PTPRD: variants seen among roughly 807,000 people sequenced by gnomAD.
PTPRD encodes the protein protein tyrosine phosphatase receptor type D.
A neutral mutation model predicts 214.5 loss-of-function variants in PTPRD; 34 were observed. That is an observed-to-expected ratio of 0.16 (90% CI 0.12 to 0.21). The LOEUF is 0.21. PTPRD is among the 10% of genes least tolerant of loss of function. The pLI, the probability that PTPRD is intolerant of heterozygous loss-of-function variation, is 1.00. For missense variants in PTPRD, 2,545 were observed against 2,398.7 expected, an observed-to-expected ratio of 1.06 and a Z score of -1.27; for synonymous variants, 1,128 against 845.7, an observed-to-expected ratio of 1.33 and a Z score of -5.79.
intron 3 of PTPRD, among the ~76,000 whole-genome samples, chr9:10,087,883 G>T (rs1021932406): frequency 6.6e-6 from 1 of 151,688 alleles, no homozygotes; most frequent in Non-Finnish European, 1.5e-5. Context: ...ATGATTCAAT[G>T]TAATACTTCT....
chr9:8,457,722 G>A (rs1362492909), intron 33 of PTPRD, among the ~76,000 whole-genome samples: 1 of 152,032 alleles, frequency 6.6e-6, no homozygotes, highest in African/African-American at 2.4e-5. Context: ...TATAATGTGA[G>A]TCAACAACGT....
At chr9:8,996,912 T>G (rs1164099668) in intron 11 of PTPRD, among the ~76,000 whole-genome samples, 1 of 152,078 alleles carries the variant, frequency 6.6e-6, no homozygotes, top group Non-Finnish European at 1.5e-5. Flanking sequence ...ATTGTGATAT[T>G]GGTTTTATGA....
intron 8 of PTPRD, among the ~76,000 whole-genome samples, chr9:9,477,362 A>G (rs2095133439): frequency 6.6e-6 from 1 of 152,176 alleles, no homozygotes; most frequent in Non-Finnish European, 1.5e-5. Context: ...CATAAGTGGG[A>G]TTCCTTTTCT....
In PTPRD at chr9:9,179,147, G is replaced by C. The variant is rs530615044; in HGVS notation, c.-143+4157C>G. ...CTTAGTATTTCTGATTTTCTTAATT[G>C]TTGAAACTCAAAGATTTAATAAAAT... On this transcript the variant is annotated intron_variant, in intron 10 of 45. Coordinates refer to ENST00000381196, the MANE Select transcript of PTPRD (RefSeq NM_002839.4). Among the ~76,000 whole-genome samples the C allele has an allele frequency of 2.0e-5, 3 of 152,156 alleles. No individual in the cohort carries two copies. The South Asian group carries it at 6.2e-4, about 32-fold the overall frequency.
chr9:9,547,903 G>GA lies in PTPRD; in HGVS notation c.-237+26828dup, dbSNP rs200461149. ...TGAGAAAAATGTGAAAGAAGCTCAA[G>GA]AAAAAAAGGCTTATTATATCAAAGA... On this transcript the variant is annotated intron_variant, in intron 8 of 45. Transcript: ENST00000381196. Among the ~76,000 whole-genome samples the GA allele has an allele frequency of 1.8e-3, 278 of 150,790 alleles. 7 individuals are homozygous for GA. The East Asian group carries it at 0.043, about 23-fold the overall frequency.
intron 33 of PTPRD, among the ~76,000 whole-genome samples, chr9:8,456,551 A>G (rs1007949771): frequency 6.6e-6 from 1 of 152,136 alleles, no homozygotes; most frequent in Admixed American, 6.5e-5. Flanking sequence ...GTGTGGCCAC[A>G]TATTTCTTCA....
At chr9:10,109,296 G>A (rs548701091) in intron 3 of PTPRD, among the ~76,000 whole-genome samples, 4 of 152,280 alleles carry the variant, frequency 2.6e-5, no homozygotes, top group African/African-American at 9.6e-5. Context: ...AAGCTGATGA[G>A]TGATGTTACA....
chr9:8,404,643 C>A lies in PTPRD; in HGVS notation c.4104G>T (p.Gln1368His). The change falls in exon 36 of 46, where the codon CAG becomes CAT. Residue 1368 changes from glutamine to histidine, a missense_variant. By Grantham distance (24) the Gln-to-His change is conservative. Coordinates refer to ENST00000381196, the MANE Select transcript of PTPRD (RefSeq NM_002839.4). ...SQEYESIDPG[Q>H]QFTWEHSNLE... ...AGTTTGAATGTTCCCAAGTGAACTG[C>A]TGGCCAGGGTCAATTGACTTTAAAA... 6.2e-7 allele frequency: 1 copy of A among 1,611,242 alleles called. No individual in the cohort carries two copies. The highest frequency in any genetic ancestry group is 8.5e-7 in the Non-Finnish European group (1 of 1,178,002).
At chr9:9,160,294 T>C (rs1181570013) in intron 10 of PTPRD, among the ~76,000 whole-genome samples, 1 of 151,990 alleles carries the variant, frequency 6.6e-6, no homozygotes, top group African/African-American at 2.4e-5. Context: ...ACCATTAATG[T>C]GATAAGCCAA....
chr9:9,975,489 G>A (rs1441117287), intron 4 of PTPRD, among the ~76,000 whole-genome samples: 2 of 152,216 alleles, frequency 1.3e-5, no homozygotes, highest in Non-Finnish European at 2.9e-5. Context: ...CTCTGAGTGA[G>A]GACCTAGGAC....
In PTPRD at chr9:8,462,918, T is replaced by C. The variant is rs2096454034; in HGVS notation, c.3715-2347A>G. On this transcript the variant is annotated intron_variant, in intron 32 of 45. Coordinates refer to ENST00000381196, the MANE Select transcript of PTPRD (RefSeq NM_002839.4). Reference sequence around the variant, plus strand: ...GGGATTTATATATTATTTGTGTTTATATGCTTAAAGCAGCTAGCAATGAAC... The same window carrying C: ...GGGATTTATATATTATTTGTGTTTACATGCTTAAAGCAGCTAGCAATGAAC... Among the ~76,000 whole-genome samples, 3 of 151,980 alleles carry C rather than the reference T, an allele frequency of 2.0e-5. No homozygotes were observed. In the South Asian group the frequency reaches 6.2e-4, roughly 31 times the overall value.
intron 7 of PTPRD, among the ~76,000 whole-genome samples, chr9:9,583,609 G>T (rs561561493): frequency 6.6e-6 from 1 of 152,018 alleles, no homozygotes; most frequent in Non-Finnish European, 1.5e-5. Flanking sequence ...ATTATAAATT[G>T]TAACTCCCAG....
Position 9,361,329 on chromosome 9 carries a change from G to C in PTPRD, c.-203+36120C>G, listed in dbSNP as rs369922862. ...ATCAATTCAGTCATGTCATATTGCTGCTTATTAATATTCAATAATTCCTTA... is the reference window on the plus strand; with the variant it reads ...ATCAATTCAGTCATGTCATATTGCTCCTTATTAATATTCAATAATTCCTTA... On this transcript the variant is annotated intron_variant, in intron 9 of 45. Transcript: ENST00000381196. 2.6e-4 allele frequency among the ~76,000 whole-genome samples: 40 copies of C among 151,094 alleles called. 1 individual carries two copies. In the South Asian group the frequency reaches 8.3e-3, roughly 31 times the overall value.
intron 9 of PTPRD, among the ~76,000 whole-genome samples, chr9:9,256,755 C>T (rs1307594217): frequency 6.6e-6 from 1 of 151,932 alleles, no homozygotes; most frequent in East Asian, 2.0e-4. Flanking sequence ...TTTAAAATGT[C>T]ATTCCTCTAT....
chr9:9,446,880 A>G (rs1205032360), intron 8 of PTPRD, among the ~76,000 whole-genome samples: 1 of 152,196 alleles, frequency 6.6e-6, no homozygotes, highest in Non-Finnish European at 1.5e-5. Context: ...TTTTCAAAAG[A>G]AGACATACAT....
At chr9:8,785,987 T>A (rs1403485347) in intron 11 of PTPRD, among the ~76,000 whole-genome samples, 1 of 151,884 alleles carries the variant, frequency 6.6e-6, no homozygotes, top group African/African-American at 2.4e-5. Context: ...TTGCTACAGA[T>A]AGATAACAAA....
intron 7 of PTPRD, among the ~76,000 whole-genome samples, chr9:9,732,316 T>C (rs1428003152): frequency 6.6e-6 from 1 of 152,022 alleles, no homozygotes; most frequent in Non-Finnish European, 1.5e-5. Context: ...AAAAAACTCA[T>C]ACATTTTCCC....
chr9:9,818,037 T>C (rs1043362703), intron 5 of PTPRD, among the ~76,000 whole-genome samples: 5 of 152,218 alleles, frequency 3.3e-5, no homozygotes, highest in African/African-American at 1.2e-4. Flanking sequence ...ATATGTTGTA[T>C]GTAACTTTGG....
intron 3 of PTPRD, among the ~76,000 whole-genome samples, chr9:10,140,592 T>C (rs1176980805): frequency 6.6e-6 from 1 of 151,986 alleles, no homozygotes; most frequent in Non-Finnish European, 1.5e-5. Flanking sequence ...GGAGCTGAAA[T>C]TGTGGCAATA....
Sources: allele counts gnomAD v4.1 joint callset (sites outside exome capture counted in the v4.1 genomes callset), GRCh38; gene constraint gnomAD v4.1.1; transcripts MANE v1.5; gene names NCBI Gene and HGNC (gene_info 2026-07-23, HGNC 2026-07-21).